Variants in C9orf72 observed in about 807,000 individuals in gnomAD.
C9orf72 encodes the protein guanine nucleotide exchange factor C9orf72.
In C9orf72, 44 loss-of-function variants were observed where a neutral mutation model predicts 51.6. The ratio of observed to expected loss-of-function variants is 0.85; its 90% confidence interval spans 0.67 to 1.10. C9orf72 has a LOEUF of 1.10. Ranked by LOEUF, C9orf72 falls within the 50% of genes least tolerant of loss-of-function variation. The probability of loss-of-function intolerance (pLI) is 0.00; values close to 1 mark genes in which losing one functional copy is unlikely to be tolerated. For synonymous variants in C9orf72, 213 were observed against 194.2 expected, an observed-to-expected ratio of 1.10 and a Z score of -0.81; for missense variants, 607 against 570.6, an observed-to-expected ratio of 1.06 and a Z score of -0.65.
chr9:27,556,208 A>G (rs1399793547), intron 8 of C9orf72, among the ~76,000 whole-genome samples: 2 of 152,210 alleles, frequency 1.3e-5, no homozygotes, highest in African/African-American at 4.8e-5. Flanking sequence ...AGTCCATTCA[A>G]TAACTGTTAC....
intron 1 of C9orf72, among the ~76,000 whole-genome samples, chr9:27,568,086 C>CAAAAAAAAA (rs11418499): frequency 4.6e-4 from 37 of 80,572 alleles, no homozygotes; most frequent in South Asian, 1.0e-3. Context: ...GCTAAAAGGT[C>CAAAAAAAAA]AAAAAAAAAA....
At chr9:27,570,927 G>A (rs1003093338) in intron 1 of C9orf72, among the ~76,000 whole-genome samples, 10 of 151,946 alleles carry the variant, frequency 6.6e-5, no homozygotes, top group Non-Finnish European at 2.9e-5. Flanking sequence ...GAAGGACAAA[G>A]ATCATACTGA....
chr9:27,555,622 C>T (rs983972331), intron 8 of C9orf72, among the ~76,000 whole-genome samples: 2 of 150,390 alleles, frequency 1.3e-5, no homozygotes, highest in African/African-American at 4.9e-5. Flanking sequence ...AGTACACTGG[C>T]ACATCATAAC....
intron 5 of C9orf72, 69 bp downstream of exon 5, chr9:27,561,516 A>G: frequency 6.3e-7 from 1 of 1,589,026 alleles, no homozygotes. Flanking sequence ...CTTTCTTCCA[A>G]ATCTTGTCAT....
rs374851435 is a variant in C9orf72, at chr9:27,556,384, T to C, written c.1091+177A>G. 2.2e-5 allele frequency: 13 copies of C among 592,184 alleles called. No homozygotes were observed. In the East Asian group the frequency reaches 3.3e-4, roughly 15 times the overall value. The allele number at this position is 592,184 out of a possible 1,614,324, so 36.7% of individuals were successfully genotyped here. On this transcript the variant is annotated intron_variant, in intron 8 of 10. Coordinates refer to ENST00000380003, the MANE Select transcript of C9orf72 (RefSeq NM_018325.5). ...CTTACCTATTTTAGGGTAAACACAA[T>C]TGTATGGAAAAAGAAGAACATTTAA...
At position 27,548,152 on chromosome 9, in the gene C9orf72, A is replaced by G. The variant is rs1055413008; in HGVS notation, c.*84T>C. 17 of 1,036,862 alleles carry G rather than the reference A, an allele frequency of 1.6e-5. 1 individual carries two copies. The highest frequency in any genetic ancestry group is 5.0e-4 in the Middle Eastern group (2 of 3,978). 64.2% of individuals were successfully genotyped at this position (1,036,862 alleles called of 1,614,324 possible). A position where few individuals can be genotyped will look rare whatever the true frequency, so the allele number is the denominator to read the frequency against. ...GCTGAGAGCAGAATTCTGGAGTATG[A>G]TCCAGGGGAACGTTTCCCCACACCA... On this transcript the variant is annotated 3_prime_UTR_variant, in exon 11 of 11. Coordinates refer to ENST00000380003, the MANE Select transcript of C9orf72 (RefSeq NM_018325.5).
At chr9:27,567,207 T>C in intron 1 of C9orf72, 43 bp from the exon 2 acceptor site, 2 of 1,180,456 alleles carry the variant, frequency 1.7e-6, no homozygotes, top group Non-Finnish European at 2.4e-6. Flanking sequence ...TTCAGCAATT[T>C]AAAGATATCC....
chr9:27,550,256 G>A (rs550331125), intron 9 of C9orf72, among the ~76,000 whole-genome samples: 4 of 150,750 alleles, frequency 2.7e-5, no homozygotes, highest in Admixed American at 2.6e-4. Context: ...ATATATATAT[G>A]TATATATTAT....
chr9:27,563,870 G>A (rs2453555), intron 3 of C9orf72, among the ~76,000 whole-genome samples: 31,051 of 151,934 alleles, frequency 0.2, 3,319 homozygotes, highest in Middle Eastern at 0.28. Context: ...CAAGAATAAT[G>A]ACTAGATCCG....
intron 8 of C9orf72, chr9:27,554,671 G>A (rs936751439): frequency 5.0e-6 from 2 of 397,988 alleles, no homozygotes; most frequent in Non-Finnish European, 8.9e-6. Context: ...AATTTTTCAT[G>A]TATTGGCAGT....
intron 1 of C9orf72, among the ~76,000 whole-genome samples, chr9:27,569,079 C>T (rs889837321): frequency 7.0e-6 from 1 of 142,382 alleles, no homozygotes; most frequent in African/African-American, 2.6e-5. Context: ...AAACGACTAA[C>T]AAGTAAAAAA....
intron 5 of C9orf72, 49 bp downstream of exon 5, chr9:27,561,536 T>G (rs1819348184): frequency 1.9e-6 from 3 of 1,605,112 alleles, no homozygotes; most frequent in Non-Finnish European, 2.6e-6. Flanking sequence ...TAGGTGAGCA[T>G]AAGATGGTAT....
intron 6 of C9orf72, chr9:27,558,819 T>G (rs1819271991): frequency 2.2e-6 from 1 of 446,258 alleles, no homozygotes; most frequent in Non-Finnish European, 4.0e-6. Flanking sequence ...CTTGGTAAAT[T>G]TACTGTATGG....
intron 3 of C9orf72, among the ~76,000 whole-genome samples, chr9:27,563,176 C>T (rs1819391609): frequency 1.3e-5 from 2 of 151,986 alleles, no homozygotes; most frequent in Admixed American, 1.3e-4. Flanking sequence ...GTATAATCTA[C>T]CCAAATGCAA....
chr9:27,572,108 G>A (rs1042936095), intron 1 of C9orf72, among the ~76,000 whole-genome samples: 1 of 152,220 alleles, frequency 6.6e-6, no homozygotes, highest in Non-Finnish European at 1.5e-5. Context: ...AGCAAATTGT[G>A]GAGTGCCAAC....
chr9:27,570,171 A>C (rs888862154), intron 1 of C9orf72, among the ~76,000 whole-genome samples: 1 of 152,262 alleles, frequency 6.6e-6, no homozygotes, highest in Non-Finnish European at 1.5e-5. Context: ...TAAGCCGTAC[A>C]GCTTCTTTAA....
intron 8 of C9orf72, among the ~76,000 whole-genome samples, chr9:27,551,939 A>G (rs1339612781): frequency 1.3e-5 from 2 of 152,126 alleles, no homozygotes; most frequent in African/African-American, 4.8e-5. Flanking sequence ...TTTTGCGGCT[A>G]TTGTGAATGG....
chr9:27,548,330 A>G lies in C9orf72; in HGVS notation c.1352T>C (p.Leu451Pro). 1.2e-6 allele frequency: 2 copies of G among 1,612,528 alleles called. No individual in the cohort carries two copies. The highest frequency in any genetic ancestry group is 1.7e-6 in the Non-Finnish European group (2 of 1,179,362). Residue 451 changes from leucine to proline, a missense_variant, in exon 11 of 11, where the codon CTG becomes CCG. By Grantham distance (98) the Leu-to-Pro change is moderately conservative. Coordinates refer to ENST00000380003, the MANE Select transcript of C9orf72 (RefSeq NM_018325.5). ...AEGDLNIIMA[L>P]AEKIKPGLHS... ...TAGGCCTGGTTTAATTTTCTCAGCC[A>G]GAGCCATTATTATGTTAAGATCGCC...
rs1819305554 is a variant in C9orf72 at position 27,560,249 on chromosome 9, C to T, written c.716G>A (p.Ser239Asn). ...QTCGCSVVVG[S>N]SAEKVNKIVR... Reference sequence around the variant, plus strand: ...TACCTTATTTACTTTCTCTGCACTGCTACCTACTACAACGGAACAGCCACA... The same window carrying T: ...TACCTTATTTACTTTCTCTGCACTGTTACCTACTACAACGGAACAGCCACA... Residue 239 changes from serine to asparagine, a missense_variant, in exon 6 of 11, where the codon AGC becomes AAC. Coordinates refer to ENST00000380003, the MANE Select transcript of C9orf72 (RefSeq NM_018325.5). The T allele has an allele frequency of 1.2e-6, 2 of 1,609,390 alleles. No homozygotes were observed. Among genetic ancestry groups the T allele is most frequent in the African/African-American group, 1.3e-5 (1 of 74,714 alleles).
Sources: allele counts gnomAD v4.1 joint callset (sites outside exome capture counted in the v4.1 genomes callset), GRCh38; gene constraint gnomAD v4.1.1; transcripts MANE v1.5; gene names NCBI Gene and HGNC (gene_info 2026-07-23, HGNC 2026-07-21).